The following CYTH1 variants were observed in gnomAD, a reference collection of about 807,000 sequenced individuals.
CYTH1 encodes the protein cytohesin-1.
Under a neutral mutation model 61.8 loss-of-function variants are expected in CYTH1, and 18 were observed. That is an observed-to-expected ratio of 0.29 (90% CI 0.20 to 0.43). The LOEUF is 0.43. Ranked by LOEUF, CYTH1 falls within the 20% of genes least tolerant of loss-of-function variation. The pLI, the probability that CYTH1 is intolerant of heterozygous loss-of-function variation, is 1.00. For missense variants in CYTH1, 336 were observed against 510.5 expected (o/e 0.66, Z 3.29); for synonymous variants, 174 against 184.3 (o/e 0.94, Z 0.45).
intron 1 of CYTH1, among the ~76,000 whole-genome samples, chr17:78,712,470 T>A (rs572385077): frequency 6.6e-6 from 1 of 151,882 alleles, no homozygotes; most frequent in South Asian, 2.1e-4. Context: ...CTGGCCAACA[T>A]GGTGAAACCC....
intron 11 of CYTH1, chr17:78,691,979 G>A (rs920454600): frequency 6.2e-6 from 1 of 161,036 alleles, no homozygotes; most frequent in Non-Finnish European, 1.4e-5. Context: ...TTACCCCTTG[G>A]GCTGTTTCTT....
At chr17:78,727,295 G>A (rs1280440657) in intron 1 of CYTH1, among the ~76,000 whole-genome samples, 1 of 152,138 alleles carries the variant, frequency 6.6e-6, no homozygotes, top group East Asian at 1.9e-4. Flanking sequence ...TGTGTCCCAT[G>A]AAAACAGAGG....
rs1262201501 is a variant in CYTH1, at chr17:78,707,717, TG to T, written c.170+479del. Among the ~76,000 whole-genome samples, 4 of 151,456 alleles carry T rather than the reference TG, an allele frequency of 2.6e-5. No homozygotes were observed. In the East Asian group the frequency reaches 7.8e-4, roughly 30 times the overall value. ...TTTTTTTTGAGACGGAGTCTCGCTC[TG>T]TCACCAGGCTGGAGTGCAGTGGCGC... is the stretch of plus-strand genomic sequence containing the variant. On this transcript the variant is annotated intron_variant, in intron 3 of 13. Coordinates refer to ENST00000446868, the MANE Select transcript of CYTH1 (RefSeq NM_004762.6).
chr17:78,722,329 C>G (rs965296941), intron 1 of CYTH1, among the ~76,000 whole-genome samples: 1 of 152,232 alleles, frequency 6.6e-6, no homozygotes, highest in African/African-American at 2.4e-5. Context: ...CACTCCACTG[C>G]TGTTTCGAAA....
At chr17:78,776,257 A>C (rs947160059) in intron 1 of CYTH1, among the ~76,000 whole-genome samples, 2 of 152,214 alleles carry the variant, frequency 1.3e-5, no homozygotes, top group African/African-American at 4.8e-5. Flanking sequence ...GAGCAACAGG[A>C]TGAACATACT....
At chr17:78,701,878 T>G (rs1047029863) in intron 5 of CYTH1, 127 bp from the exon 6 acceptor site, 5 of 923,594 alleles carry the variant, frequency 5.4e-6, no homozygotes, top group Admixed American at 2.0e-5. Flanking sequence ...GACAGCCACT[T>G]GTGCACACTG....
intron 1 of CYTH1, among the ~76,000 whole-genome samples, chr17:78,752,866 A>G (rs1209908950): frequency 6.6e-6 from 1 of 152,262 alleles, no homozygotes; most frequent in African/African-American, 2.4e-5. Context: ...CTAATTAAAT[A>G]CAAAGCCATA....
chr17:78,733,330 G>A lies in CYTH1; in HGVS notation c.23-23598C>T, dbSNP rs1016114961. On this transcript the variant is annotated intron_variant, in intron 1 of 13. Coordinates refer to ENST00000446868, the MANE Select transcript of CYTH1 (RefSeq NM_004762.6). Reference sequence around the variant, plus strand: ...GTAACTCTGCATATTTCCTGACAATGAACTATACACTGTTCTCATCAGTTT... The same window carrying A: ...GTAACTCTGCATATTTCCTGACAATAAACTATACACTGTTCTCATCAGTTT... Among the ~76,000 whole-genome samples the A allele has an allele frequency of 5.9e-5, 9 of 152,176 alleles. No individual in the cohort carries two copies. The East Asian group carries it at 1.5e-3, about 26-fold the overall frequency.
chr17:78,707,672 C>T (rs186055433), intron 3 of CYTH1, among the ~76,000 whole-genome samples: 46 of 151,658 alleles, frequency 3.0e-4, no homozygotes, highest in South Asian at 2.7e-3. Context: ...CTTTGAAGTT[C>T]TCCAGTTCAA....
chr17:78,760,572 C>T (rs906699054), intron 1 of CYTH1, among the ~76,000 whole-genome samples: 1 of 27,950 alleles, frequency 3.6e-5, no homozygotes, highest in African/African-American at 1.1e-4. Flanking sequence ...TATATATACA[C>T]ATACATATAT....
intron 2 of CYTH1, 169 bp downstream of exon 2, chr17:78,709,481 G>GCT: frequency 1.6e-6 from 1 of 635,918 alleles, no homozygotes; most frequent in Non-Finnish European, 2.7e-6. Flanking sequence ...CATCTCCTCA[G>GCT]CTGTAGAGGA....
intron 7 of CYTH1, among the ~76,000 whole-genome samples, chr17:78,699,254 C>T (rs575529534): frequency 1.6e-3 from 246 of 152,014 alleles, no homozygotes; most frequent in Middle Eastern, 3.4e-3. Flanking sequence ...ATCCCAGCAA[C>T]TTGGGAGGCC....
At position 78,676,035 on chromosome 17, in the gene CYTH1, C is replaced by A; in HGVS notation, c.*56G>T. On this transcript the variant is annotated 3_prime_UTR_variant, in exon 14 of 14. Coordinates refer to ENST00000446868, the MANE Select transcript of CYTH1 (RefSeq NM_004762.6). ...CGGCAGCAGTGCATCCATGGAGGTG[C>A]GGGAGAAGAGCAGGAGCTCCAAGGC... 1 of 1,564,460 alleles carries A rather than the reference C, an allele frequency of 6.4e-7. No homozygotes were observed. The highest frequency in any genetic ancestry group is 8.7e-7 in the Non-Finnish European group (1 of 1,153,442).
chr17:78,733,642 G>A (rs1330760792), intron 1 of CYTH1, among the ~76,000 whole-genome samples: 1 of 152,262 alleles, frequency 6.6e-6, no homozygotes, highest in African/African-American at 2.4e-5. Flanking sequence ...GGCCACAGCG[G>A]CCAAGTGCAG....
At chr17:78,691,607 T>G (rs2092887015) in intron 11 of CYTH1, 1 of 152,246 alleles carries the variant, frequency 6.6e-6, no homozygotes, top group South Asian at 2.1e-4. Context: ...GGCCTTGATT[T>G]ACTTTAAGAC....
chr17:78,701,930 G>A (rs888413407), intron 5 of CYTH1, among the ~76,000 whole-genome samples, 179 bp from the exon 6 acceptor site: 3 of 152,132 alleles, frequency 2.0e-5, no homozygotes, highest in Non-Finnish European at 4.4e-5. Context: ...GGCTGAACAA[G>A]CAAGATGTCT....
intron 1 of CYTH1, among the ~76,000 whole-genome samples, chr17:78,752,724 T>G (rs4239273): frequency 6.6e-6 from 1 of 152,148 alleles, no homozygotes; most frequent in African/African-American, 2.4e-5. Flanking sequence ...CCACTGCACC[T>G]GGCCAAGAGA....
chr17:78,681,995 A>G (rs890770572), intron 11 of CYTH1, among the ~76,000 whole-genome samples: 3 of 152,068 alleles, frequency 2.0e-5, no homozygotes, highest in African/African-American at 4.8e-5. Flanking sequence ...CCAAAATACC[A>G]TATTAGAACT....
chr17:78,682,780 A>T (rs1314471344), intron 11 of CYTH1, among the ~76,000 whole-genome samples: 2 of 152,168 alleles, frequency 1.3e-5, no homozygotes, highest in Non-Finnish European at 2.9e-5. Context: ...TTTGCACACG[A>T]CTGCCGTCCT....
Sources: gnomAD v4.1 joint callset for allele counts (sites outside exome capture counted in the v4.1 genomes callset) on GRCh38, gnomAD v4.1.1 for gene constraint, MANE v1.5 for transcripts, NCBI Gene and HGNC (gene_info 2026-07-23, HGNC 2026-07-21) for gene names.